The following TBC1D19 variants were observed in gnomAD, a reference collection of about 807,000 sequenced individuals.
TBC1D19 encodes the protein TBC1 domain family member 19, also known as TBC1 domain family, member 19.
TBC1D19 carries 60 observed loss-of-function variants against 89.0 expected under a neutral mutation model. The ratio of observed to expected loss-of-function variants is 0.67; its 90% CI spans 0.55 to 0.84. The LOEUF (loss-of-function observed/expected upper bound fraction) is 0.84, where lower values mean the gene tolerates loss of function less well. TBC1D19 is among the 40% of genes least tolerant of loss of function. TBC1D19 has a pLI of 0.00. For synonymous variants in TBC1D19, 189 were observed against 199.7 expected, an observed-to-expected ratio of 0.95 and a Z score of 0.45; for missense variants, 500 against 610.8, an observed-to-expected ratio of 0.82 and a Z score of 1.91.
intron 7 of TBC1D19, 93 bp downstream of exon 7, chr4:26,640,280 T>G: frequency 1.9e-6 from 2 of 1,053,078 alleles, no homozygotes; most frequent in Non-Finnish European, 2.9e-6. Flanking sequence ...GGGATTAGCA[T>G]GTAAAAAGCC....
the TBC1D19 span, among the ~76,000 whole-genome samples, chr4:26,831,584 T>C: frequency 2.3e-5 from 3 of 130,020 alleles, no homozygotes; most frequent in Admixed American, 7.0e-5. Flanking sequence ...TCTTCTTTTT[T>C]TTTTTTCTTT....
downstream of TBC1D19, among the ~76,000 whole-genome samples, chr4:26,756,586 C>G (rs1719271197): frequency 6.6e-6 from 1 of 152,114 alleles, no homozygotes; most frequent in Admixed American, 6.5e-5. Flanking sequence ...CTTATTGTAT[C>G]TTCTCCATTT....
intron 17 of TBC1D19, chr4:26,740,567 A>C: frequency 1.3e-6 from 1 of 772,178 alleles, no homozygotes; most frequent in African/African-American, 1.9e-5. Context: ...AAGGAAAAGC[A>C]TATATTTAGG....
Position 26,688,392 on chromosome 4 carries a change from A to G in TBC1D19, c.939A>G (p.Glu313=), listed in dbSNP as rs2109158112. The G allele has an allele frequency of 6.4e-7, 1 of 1,566,098 alleles. No individual in the cohort carries two copies. Among genetic ancestry groups the G allele is most frequent in the East Asian group, 2.3e-5 (1 of 42,960 alleles). Reference sequence around the variant, plus strand: ...ATGATGATTATTATTTTGTATTTGAAGATTATTTATATCAGGTAAGTTTAA... The same window carrying G: ...ATGATGATTATTATTTTGTATTTGAGGATTATTTATATCAGGTAAGTTTAA... The part of the protein sequence containing the change: ...ASNDDYYFVF[E]DYLYQVLLCF... The change falls in exon 13 of 21, where the codon GAA becomes GAG. Residue 313 remains glutamate (E), a synonymous_variant. Coordinates refer to ENST00000264866, the MANE Select transcript of TBC1D19 (RefSeq NM_018317.4).
intron 13 of TBC1D19, among the ~76,000 whole-genome samples, chr4:26,696,539 A>G (rs1451731065): frequency 2.0e-5 from 3 of 152,184 alleles, no homozygotes; most frequent in Non-Finnish European, 4.4e-5. Flanking sequence ...CTCCACCCCA[A>G]CTCAACAGAA....
chr4:26,838,943 A>G, the TBC1D19 span, among the ~76,000 whole-genome samples: 6 of 152,214 alleles, frequency 3.9e-5, no homozygotes, highest in Non-Finnish European at 4.4e-5. Flanking sequence ...ATTACATTCT[A>G]TATGAACAAA....
intron 9 of TBC1D19, among the ~76,000 whole-genome samples, chr4:26,667,633 T>C (rs990298116): frequency 1.3e-5 from 2 of 152,080 alleles, no homozygotes; most frequent in Non-Finnish European, 2.9e-5. Flanking sequence ...TTGAGGATAG[T>C]ACAGATAAGG....
chr4:26,807,025 C>T, the TBC1D19 span, among the ~76,000 whole-genome samples: 1 of 152,156 alleles, frequency 6.6e-6, no homozygotes, highest in Non-Finnish European at 1.5e-5. Context: ...AACACTCAAT[C>T]ACTGGTGAGA....
chr4:26,693,558 A>G (rs573096810), intron 13 of TBC1D19, among the ~76,000 whole-genome samples: 2 of 151,688 alleles, frequency 1.3e-5, no homozygotes, highest in East Asian at 3.9e-4. Context: ...AGCTGGGTGT[A>G]GTGGCATGCA....
In TBC1D19 at chr4:26,623,237, G is replaced by GT. The variant is rs556315362; in HGVS notation, c.294+2552dup. On this transcript the variant is annotated intron_variant, in intron 4 of 20. Coordinates refer to ENST00000264866, the MANE Select transcript of TBC1D19 (RefSeq NM_018317.4). ...TCCTTAGTCTAAGGCTACTTTTACT[G>GT]TTTACTTTCTCTCTTCTCCCAAACT... Among the ~76,000 whole-genome samples the GT allele has an allele frequency of 1.2e-3, 189 of 152,208 alleles. 1 individual carries two copies. The highest frequency in any genetic ancestry group is 0.011 in the Admixed American group (167 of 15,282).
chr4:26,807,574 A>G, the TBC1D19 span, among the ~76,000 whole-genome samples: 16 of 152,224 alleles, frequency 1.1e-4, no homozygotes, highest in African/African-American at 3.9e-4. Flanking sequence ...ACCAAAATAT[A>G]TTTCCTACTA....
the TBC1D19 span, among the ~76,000 whole-genome samples, chr4:26,851,205 G>A: frequency 2.6e-5 from 4 of 152,284 alleles, no homozygotes; most frequent in South Asian, 2.1e-4. Context: ...TGTGGACTGA[G>A]CCACACTATC....
chr4:26,619,351 T>A lies in TBC1D19; in HGVS notation c.219-1262T>A, dbSNP rs1050390838. The stretch of plus-strand genomic sequence containing the variant: ...TCCCCAGTAGCTGGGACTATAGGCA[T>A]GTGCCACCACGGCTGGCTAATTTTT... On this transcript the variant is annotated intron_variant, in intron 3 of 20. Coordinates refer to ENST00000264866, the MANE Select transcript of TBC1D19 (RefSeq NM_018317.4). Among the ~76,000 whole-genome samples the A allele has an allele frequency of 3.3e-5, 5 of 152,070 alleles. No homozygotes were observed. In the East Asian group the frequency reaches 9.7e-4, roughly 29 times the overall value.
chr4:26,617,251 G>A (rs867995364), intron 3 of TBC1D19, among the ~76,000 whole-genome samples: 1 of 152,204 alleles, frequency 6.6e-6, no homozygotes, highest in Non-Finnish European at 1.5e-5. Context: ...ACCCACGTAG[G>A]TGAAGCTCTT....
chr4:26,812,665 T>G, the TBC1D19 span, among the ~76,000 whole-genome samples: 1 of 152,144 alleles, frequency 6.6e-6, no homozygotes, highest in Non-Finnish European at 1.5e-5. This position sits in a 1 kb window ranked among gnomAD's most constrained non-coding sequence, Gnocchi z 4.2. Flanking sequence ...ACAAATCCTC[T>G]TTTTGCAAAC....
At chr4:26,754,592 G>GC (rs1719159387) in intron 20 of TBC1D19, among the ~76,000 whole-genome samples, 1 of 152,120 alleles carries the variant, frequency 6.6e-6, no homozygotes. Context: ...ATTTATAGAA[G>GC]CAAGTTGAAA....
chr4:26,839,480 C>G, the TBC1D19 span, among the ~76,000 whole-genome samples: 2 of 151,804 alleles, frequency 1.3e-5, no homozygotes, highest in Non-Finnish European at 2.9e-5. Flanking sequence ...TTTCATGTTA[C>G]TTTCCTTCTT....
chr4:26,782,794 A>G, the TBC1D19 span, among the ~76,000 whole-genome samples: 55 of 152,026 alleles, frequency 3.6e-4, no homozygotes, highest in Non-Finnish European at 6.5e-4. Context: ...AGCATACTAT[A>G]TATCCCAAAA....
chr4:26,778,794 C>A, the TBC1D19 span, among the ~76,000 whole-genome samples: 1 of 152,118 alleles, frequency 6.6e-6, no homozygotes, highest in Admixed American at 6.6e-5. Context: ...TATAAGATCT[C>A]CAGGTTATTT....
Sources: gnomAD v4.1 joint callset for allele counts (sites outside exome capture counted in the v4.1 genomes callset) on GRCh38, gnomAD v4.1.1 for gene constraint, Gnocchi (gnomAD v3.1) non-coding constraint, MANE v1.5 for transcripts, NCBI Gene and HGNC (gene_info 2026-07-23, HGNC 2026-07-21) for gene names.